DACH1: variants seen among roughly 807,000 people sequenced by gnomAD.
DACH1 encodes dachshund homolog 1.
Under a neutral mutation model 54.2 loss-of-function variants are expected in DACH1, and 12 were observed. The observed-to-expected ratio is 0.22, with a 90% CI of 0.14 to 0.36. The LOEUF is 0.36. Ranked by LOEUF, DACH1 falls within the 10% of genes least tolerant of loss-of-function variation. The pLI is 1.00. For missense variants in DACH1, 805 were observed against 929.8 expected (o/e 0.87, Z 1.75); for synonymous variants, 386 against 366.2 (o/e 1.05, Z -0.62).
chr13:71,558,739 A>C (rs1157856018), intron 5 of DACH1, among the ~76,000 whole-genome samples: 3 of 152,200 alleles, frequency 2.0e-5, no homozygotes, highest in Admixed American at 1.3e-4. Flanking sequence ...TATATTTAGT[A>C]TTATGTTGAA....
At chr13:71,584,190 T>A (rs551887454) in intron 3 of DACH1, among the ~76,000 whole-genome samples, 8 of 152,304 alleles carry the variant, frequency 5.3e-5, no homozygotes, top group East Asian at 3.9e-4. Context: ...AAATAACTTA[T>A]ATGAAACAAC....
intron 1 of DACH1, among the ~76,000 whole-genome samples, chr13:71,754,693 C>G (rs1264821530): frequency 6.6e-6 from 1 of 151,768 alleles, no homozygotes; most frequent in African/African-American, 2.4e-5. Flanking sequence ...AAAAAATATT[C>G]CATTAAAGAT....
At chr13:71,767,993 T>C (rs1885707778) in intron 1 of DACH1, among the ~76,000 whole-genome samples, 1 of 151,984 alleles carries the variant, frequency 6.6e-6, no homozygotes, top group Non-Finnish European at 1.5e-5. Context: ...AAAAGTTTAA[T>C]TTTTACGTAT....
chr13:71,692,929 A>T, intron 1 of DACH1, among the ~76,000 whole-genome samples: 1 of 152,180 alleles, frequency 6.6e-6, no homozygotes, highest in South Asian at 2.1e-4. Context: ...ATCTGAATCT[A>T]ATCAAAAATG....
chr13:71,564,856 A>G (rs1459387251), intron 4 of DACH1, among the ~76,000 whole-genome samples: 3 of 151,988 alleles, frequency 2.0e-5, no homozygotes, highest in South Asian at 2.1e-4. Flanking sequence ...TTGTTTTTCA[A>G]TAGAGATTCT....
At chr13:71,738,245 C>T (rs1404984464) in intron 1 of DACH1, among the ~76,000 whole-genome samples, 1 of 152,066 alleles carries the variant, frequency 6.6e-6, no homozygotes, top group Non-Finnish European at 1.5e-5. Context: ...AAATCTCAGT[C>T]TTGAGAAATA....
intron 1 of DACH1, among the ~76,000 whole-genome samples, chr13:71,822,206 C>A (rs1234054641): frequency 6.6e-6 from 1 of 151,946 alleles, no homozygotes; most frequent in African/African-American, 2.4e-5. Flanking sequence ...TTAAACTATC[C>A]CATTTTAAAT....
intron 1 of DACH1, among the ~76,000 whole-genome samples, chr13:71,733,742 A>T (rs1883858442): frequency 6.6e-6 from 1 of 152,172 alleles, no homozygotes. Context: ...GTAGCATTTT[A>T]CATAATGGTT....
At chr13:71,804,625 T>A (rs1320992023) in intron 1 of DACH1, among the ~76,000 whole-genome samples, 2 of 152,186 alleles carry the variant, frequency 1.3e-5, no homozygotes, top group Non-Finnish European at 2.9e-5. Context: ...TGATTGGACC[T>A]CTTCTTGCCA....
rs77960585 is a variant in DACH1, at chr13:71,456,790, C to T, written c.2084-16098G>A. ...GGATAATAAACGTTGGCTGTTTCCC[C>T]GTCAGGTTTTGGTAGCATCGTGGTG... On this transcript the variant is annotated intron_variant, in intron 10 of 10. Coordinates refer to ENST00000613252, the MANE Select transcript of DACH1 (RefSeq NM_080759.6). Among the ~76,000 whole-genome samples, 875 of 152,078 alleles carry T rather than the reference C, an allele frequency of 5.8e-3. 11 individuals are homozygous for T. The highest frequency in any genetic ancestry group is 0.02 in the African/African-American group (827 of 41,516).
intron 6 of DACH1, among the ~76,000 whole-genome samples, chr13:71,500,554 T>G (rs184922683): frequency 6.6e-6 from 1 of 152,310 alleles, no homozygotes; most frequent in African/African-American, 2.4e-5. Flanking sequence ...ATAAAAAATG[T>G]AAGAGGCCTT....
At chr13:71,572,466 G>A (rs1885271824) in intron 4 of DACH1, among the ~76,000 whole-genome samples, 1 of 152,062 alleles carries the variant, frequency 6.6e-6, no homozygotes, top group African/African-American at 2.4e-5. Context: ...TGAATTACAT[G>A]TCTAAGGTGA....
intron 10 of DACH1, among the ~76,000 whole-genome samples, chr13:71,458,108 A>AT (rs1312222594): frequency 6.6e-6 from 1 of 151,834 alleles, no homozygotes; most frequent in Non-Finnish European, 1.5e-5. Flanking sequence ...AATGAATTAC[A>AT]TTTTTTATTT....
chr13:71,630,686 A>AGCAGCAGCTGCT lies in DACH1; in HGVS notation c.984_995dup (p.Ala330_Ala333dup). The AGCAGCAGCTGCT allele has an allele frequency of 6.3e-7, 1 of 1,598,320 alleles. No homozygotes were observed. The highest frequency in any genetic ancestry group is 8.5e-7 in the Non-Finnish European group (1 of 1,175,904). The stretch of plus-strand genomic sequence containing the variant: ...CTTCAGCAATAGCTGCATTGGTAGC[A>AGCAGCAGCTGCT]GCAGCAGCTGCTGCAGCGGCTGCTG... On this transcript the variant is annotated inframe_insertion, in exon 3 of 11. Coordinates refer to ENST00000613252, the MANE Select transcript of DACH1 (RefSeq NM_080759.6).
chr13:71,472,693 G>C (rs1293061877), intron 10 of DACH1, among the ~76,000 whole-genome samples: 1 of 152,178 alleles, frequency 6.6e-6, no homozygotes, highest in Non-Finnish European at 1.5e-5. Flanking sequence ...ATGAGTGTGA[G>C]AGGCTGTGTG....
At chr13:71,481,059 G>T (rs78366713) in intron 7 of DACH1, among the ~76,000 whole-genome samples, 2,142 of 152,194 alleles carry the variant, frequency 0.014, 46 homozygotes, top group African/African-American at 0.048. Context: ...CAAACAATTA[G>T]TAACAAATGA....
At chr13:71,755,699 C>G (rs1885116788) in intron 1 of DACH1, among the ~76,000 whole-genome samples, 1 of 152,136 alleles carries the variant, frequency 6.6e-6, no homozygotes, top group African/African-American at 2.4e-5. Context: ...ACATGGGATA[C>G]TACTTTCCCC....
chr13:71,506,748 G>GC (rs1566303891), intron 6 of DACH1, among the ~76,000 whole-genome samples: 1 of 152,010 alleles, frequency 6.6e-6, no homozygotes, highest in Non-Finnish European at 1.5e-5. Flanking sequence ...CAGAAATAAT[G>GC]CCACATATCT....
chr13:71,829,065 C>T (rs1444565220), intron 1 of DACH1, among the ~76,000 whole-genome samples: 2 of 151,974 alleles, frequency 1.3e-5, no homozygotes, highest in African/African-American at 4.8e-5. Context: ...AAGTTAAAAG[C>T]ATTAACCTCT....
Sources: gnomAD v4.1 joint callset for allele counts (sites outside exome capture counted in the v4.1 genomes callset) on GRCh38, gnomAD v4.1.1 for gene constraint, MANE v1.5 for transcripts, NCBI Gene and HGNC (gene_info 2026-07-23, HGNC 2026-07-21) for gene names.